The following CLEC19A variants were observed in gnomAD, a reference collection of about 807,000 sequenced individuals.
CLEC19A encodes C-type lectin domain containing 19A, also known as C-type lectin domain family 19 member A.
In CLEC19A, 21 loss-of-function variants were observed where a neutral mutation model predicts 26.1. The ratio of observed to expected loss-of-function variants is 0.80; its 90% confidence interval spans 0.57 to 1.16. CLEC19A has a LOEUF of 1.16. CLEC19A is among the 50% of genes most tolerant of loss of function. The probability of loss-of-function intolerance (pLI) is 0.00; values close to 1 mark genes in which losing one functional copy is unlikely to be tolerated. For synonymous variants in CLEC19A, 89 were observed against 88.6 expected (o/e 1.00, Z -0.03); for missense variants, 224 against 227.6 (o/e 0.98, Z 0.10).
intron 1 of CLEC19A, among the ~76,000 whole-genome samples, chr16:19,298,243 CAA>C (rs377007663): frequency 2.4e-5 from 3 of 127,418 alleles, no homozygotes; most frequent in South Asian, 2.8e-4. Flanking sequence ...AACTCAATCT[CAA>C]AAAAAAAAAA....
In CLEC19A at chr16:19,285,884, C is replaced by T. The variant is rs1459818483; in HGVS notation, c.33C>T (p.Phe11=). ...GGTGGACACTGTGGGCTGCAGCCTT[C>T]CTGACCCTCCACTCTGCACAGGCCT... MQRWTLWAAA[F]LTLHSAQAFP... The change falls in exon 1 of 5, where the codon TTC becomes TTT. Residue 11 remains phenylalanine, a synonymous_variant. Transcript: ENST00000636231. 2 of 1,550,548 alleles carry T rather than the reference C, an allele frequency of 1.3e-6. No individual in the cohort carries two copies. Among genetic ancestry groups the T allele is most frequent in the Non-Finnish European group, 1.7e-6 (2 of 1,146,992 alleles).
At position 19,309,018 on chromosome 16, in the gene CLEC19A, A is replaced by C; in HGVS notation, c.496A>C (p.Asn166His). 1 of 1,548,296 alleles carries C rather than the reference A, an allele frequency of 6.5e-7. No homozygotes were observed. The highest frequency in any genetic ancestry group is 8.7e-7 in the Non-Finnish European group (1 of 1,146,744). The change falls in exon 5 of 5, where the codon AAT becomes CAT. Residue 166 changes from asparagine to histidine, a missense_variant. Coordinates refer to ENST00000636231, the MANE Select transcript of CLEC19A (RefSeq NM_001256720.2). ...YRPTSALRSWNDNTCSRKFPF... is the reference protein window; with the variant it reads ...YRPTSALRSWHDNTCSRKFPF... Reference sequence around the variant, plus strand: ...TTCCATCACAGCTCTGAGGTCATGGAATGATAACACCTGCAGCCGGAAGTT... The same window carrying C: ...TTCCATCACAGCTCTGAGGTCATGGCATGATAACACCTGCAGCCGGAAGTT...
chr16:19,307,725 T>TCA, intron 4 of CLEC19A, 48 bp downstream of exon 4: 1 of 1,544,114 alleles, frequency 6.5e-7, no homozygotes, highest in African/African-American at 1.4e-5. Flanking sequence ...CCAGGAGGTG[T>TCA]CACAGGTGGG....
Position 19,310,849 on chromosome 16 carries a change from A to G in CLEC19A, c.*1766A>G, listed in dbSNP as rs1401212914. On this transcript the variant is annotated 3_prime_UTR_variant, in exon 5 of 5. Coordinates refer to ENST00000636231, the MANE Select transcript of CLEC19A (RefSeq NM_001256720.2). ...TTGTGAGGTGACAAAAATTATCTGCAATTAGATAGTGGTAATGGCTGCACA... is the reference window on the plus strand; with the variant it reads ...TTGTGAGGTGACAAAAATTATCTGCGATTAGATAGTGGTAATGGCTGCACA... The G allele has an allele frequency of 6.6e-6, 1 of 152,246 alleles. No homozygotes were observed. The highest frequency in any genetic ancestry group is 1.5e-5 in the Non-Finnish European group (1 of 68,050). The allele number at this position is 152,246 out of a possible 1,614,324, so 9.4% of individuals were successfully genotyped here.
chr16:19,294,518 A>G (rs1375881670), intron 1 of CLEC19A, among the ~76,000 whole-genome samples: 1 of 152,188 alleles, frequency 6.6e-6, no homozygotes, highest in African/African-American at 2.4e-5. Flanking sequence ...ACTCATGAAG[A>G]GTTTCATCTT....
In CLEC19A at chr16:19,286,777, C is replaced by T. The variant is rs74011572; in HGVS notation, c.88+838C>T. On this transcript the variant is annotated intron_variant, in intron 1 of 4. Coordinates refer to ENST00000636231, the MANE Select transcript of CLEC19A (RefSeq NM_001256720.2). Reference sequence around the variant, plus strand: ...GGCAGAGATATCATTTTTAAATCCCCGTTCAAGTAAAACTAATAATGAAAT... The same window carrying T: ...GGCAGAGATATCATTTTTAAATCCCTGTTCAAGTAAAACTAATAATGAAAT... Among the ~76,000 whole-genome samples the T allele has an allele frequency of 5.6e-3, 849 of 152,124 alleles. 7 individuals are homozygous for T. The highest frequency in any genetic ancestry group is 0.019 in the African/African-American group (803 of 41,512).
At chr16:19,304,238 C>T in intron 3 of CLEC19A, 83 bp downstream of exon 3, 1 of 1,153,538 alleles carries the variant, frequency 8.7e-7, no homozygotes, top group Non-Finnish European at 1.3e-6. Context: ...CACATCAGTG[C>T]CAGGTCACGG....
intron 1 of CLEC19A, among the ~76,000 whole-genome samples, chr16:19,287,562 G>T (rs1180679135): frequency 6.6e-6 from 1 of 152,204 alleles, no homozygotes; most frequent in African/African-American, 2.4e-5. Context: ...TAGGAAAGAA[G>T]TTGAACAAAA....
intron 1 of CLEC19A, among the ~76,000 whole-genome samples, chr16:19,296,856 A>G (rs1374114319): frequency 1.3e-5 from 2 of 152,212 alleles, no homozygotes; most frequent in Non-Finnish European, 2.9e-5. Flanking sequence ...GGATGGCTAC[A>G]AAAGGGACCC....
chr16:19,306,128 C>T (rs1597089548), intron 3 of CLEC19A, among the ~76,000 whole-genome samples: 1 of 151,160 alleles, frequency 6.6e-6, no homozygotes, highest in Admixed American at 6.6e-5. Context: ...CAGGCTTGAG[C>T]CACCTCGCCC....
rs114413367 is a variant in CLEC19A at position 19,303,884 on chromosome 16, G to A, written c.255-178G>A. On this transcript the variant is annotated intron_variant, in intron 2 of 4. Coordinates refer to ENST00000636231, the MANE Select transcript of CLEC19A (RefSeq NM_001256720.2). Reference sequence around the variant, plus strand: ...TGAACTGGCATAGGTCAAATCCAGAGATGCCCATGTAGGACCGGCCACATA... The same window carrying A: ...TGAACTGGCATAGGTCAAATCCAGAAATGCCCATGTAGGACCGGCCACATA... 808 of 557,784 alleles carry A rather than the reference G, an allele frequency of 1.4e-3. 5 individuals are homozygous for A. The highest frequency in any genetic ancestry group is 0.014 in the African/African-American group (728 of 53,190). The allele number at this position is 557,784 out of a possible 1,614,324, so 34.6% of individuals were successfully genotyped here.
In CLEC19A at chr16:19,301,736, G is replaced by GTTTTTTTTTTTTTT. The variant is rs1171248968; in HGVS notation, c.255-2311_255-2298dup. Among the ~76,000 whole-genome samples, 460 of 81,404 alleles carry GTTTTTTTTTTTTTT rather than the reference G, an allele frequency of 5.7e-3. 28 individuals are homozygous for GTTTTTTTTTTTTTT. Among genetic ancestry groups the GTTTTTTTTTTTTTT allele is most frequent in the Middle Eastern group, 8.6e-3 (1 of 116 alleles). 53.4% of individuals were successfully genotyped at this position (81,404 alleles called of 152,430 possible). A position where few individuals can be genotyped will look rare whatever the true frequency, so the allele number is the denominator to read the frequency against. The stretch of plus-strand genomic sequence containing the variant: ...ATGACACCATGCCCAGGTTTTTTTG[G>GTTTTTTTTTTTTTT]TTTTTTTTTTTTTTTTTTTTTTTTT... On this transcript the variant is annotated intron_variant, in intron 2 of 4. Coordinates refer to ENST00000636231, the MANE Select transcript of CLEC19A (RefSeq NM_001256720.2).
intron 1 of CLEC19A, among the ~76,000 whole-genome samples, chr16:19,290,540 T>C (rs1897562816): frequency 6.6e-6 from 1 of 152,166 alleles, no homozygotes; most frequent in Non-Finnish European, 1.5e-5. Context: ...AGACAGCACC[T>C]CCTCTAAGAA....
intron 1 of CLEC19A, 131 bp from the exon 2 acceptor site, chr16:19,298,542 G>T: frequency 1.1e-6 from 1 of 935,740 alleles, no homozygotes; most frequent in South Asian, 1.7e-5. Flanking sequence ...CTTCAGCCTG[G>T]GCAACAGAAC....
At chr16:19,297,914 A>G (rs1597083812) in intron 1 of CLEC19A, among the ~76,000 whole-genome samples, 3 of 152,168 alleles carry the variant, frequency 2.0e-5, no homozygotes, top group Admixed American at 1.3e-4. Flanking sequence ...ATAGAATTGC[A>G]TAGATCATAA....
intron 1 of CLEC19A, among the ~76,000 whole-genome samples, chr16:19,296,215 G>A (rs1897702686): frequency 6.6e-6 from 1 of 152,220 alleles, no homozygotes; most frequent in South Asian, 2.1e-4. Flanking sequence ...GGCTGTTCTG[G>A]TCAAAGGGGA....
At chr16:19,295,193 C>A (rs1320184519) in intron 1 of CLEC19A, among the ~76,000 whole-genome samples, 3 of 151,874 alleles carry the variant, frequency 2.0e-5, no homozygotes, top group African/African-American at 7.3e-5. Flanking sequence ...ATGTGGGACT[C>A]TCAGGGTTTT....
intron 1 of CLEC19A, among the ~76,000 whole-genome samples, chr16:19,290,269 C>A (rs1897554959): frequency 6.6e-6 from 1 of 152,032 alleles, no homozygotes; most frequent in African/African-American, 2.4e-5. Flanking sequence ...AGGAAAAGAC[C>A]ATGTGGTTTG....
chr16:19,297,108 A>C (rs1897721366), intron 1 of CLEC19A, among the ~76,000 whole-genome samples: 1 of 152,200 alleles, frequency 6.6e-6, no homozygotes, highest in Non-Finnish European at 1.5e-5. Flanking sequence ...ATCTCTTAAG[A>C]AGCTTTCAGA....
Sources: allele counts gnomAD v4.1 joint callset (sites outside exome capture counted in the v4.1 genomes callset), GRCh38; gene constraint gnomAD v4.1.1; transcripts MANE v1.5; gene names NCBI Gene and HGNC (gene_info 2026-07-23, HGNC 2026-07-21).